The following SIN3A variants were observed in gnomAD, a reference collection of about 807,000 sequenced individuals.
The protein encoded by SIN3A is paired amphipathic helix protein Sin3a.
A neutral mutation model predicts 146.1 loss-of-function variants in SIN3A; 14 were observed. The observed-to-expected ratio is 0.10, with a 90% CI of 0.06 to 0.15. The LOEUF (loss-of-function observed/expected upper bound fraction) is 0.15. SIN3A is among the 10% of genes least tolerant of loss of function. The pLI is 1.00. For synonymous variants in SIN3A, 572 were observed against 572.0 expected, an observed-to-expected ratio of 1.00 and a Z score of 0.00; for missense variants, 1,028 against 1,576.0, an observed-to-expected ratio of 0.65 and a Z score of 5.89.
intron 15 of SIN3A, among the ~76,000 whole-genome samples, chr15:75,390,113 T>C (rs562911379): frequency 3.3e-5 from 5 of 152,170 alleles, no homozygotes; most frequent in African/African-American, 1.2e-4. Context: ...GAGAGGAAAA[T>C]ATCCTAGGGA....
chr15:75,396,320 T>G lies in SIN3A; in HGVS notation c.2031A>C (p.Ala677=). The G allele has an allele frequency of 6.2e-7, 1 of 1,614,234 alleles. No individual in the cohort carries two copies. The change falls in exon 13 of 21, where the codon GCA becomes GCC. Residue 677 remains alanine (A), a synonymous_variant. Transcript: ENST00000394947. ...KALQRIYADK[A]ADIIDGLRKN... ...TTCTCAGACCATCAATGATGTCAGC[T>G]GCTTTATCAGCATATATCCTCTGGA...
intron 1 of SIN3A, chr15:75,446,143 T>C (rs775542163): frequency 6.6e-6 from 1 of 151,978 alleles, no homozygotes; most frequent in African/African-American, 2.4e-5. Context: ...AAGTATAATA[T>C]TTAGAATAGT....
chr15:75,370,938 G>A lies in SIN3A; in HGVS notation c.*1041C>T, dbSNP rs1211947206. 3 of 140,832 alleles carry A rather than the reference G, an allele frequency of 2.1e-5. No homozygotes were observed. Among genetic ancestry groups the A allele is most frequent in the Non-Finnish European group, 3.0e-5 (2 of 66,090 alleles). The allele number at this position is 140,832 out of a possible 1,614,324, so 8.7% of individuals were successfully genotyped here. ...CGTGGGTTGAGAGTTTATTCCTTAA[G>A]TAAGAACCAAGCTTTATTTATTTAC... On this transcript the variant is annotated 3_prime_UTR_variant, in exon 21 of 21. Transcript: ENST00000394947.
intron 5 of SIN3A, 146 bp downstream of exon 5, chr15:75,412,617 G>T: frequency 1.3e-6 from 1 of 767,840 alleles, no homozygotes; most frequent in Non-Finnish European, 2.0e-6. Flanking sequence ...CCATGTCATA[G>T]TGAAGTTTTC....
chr15:75,406,681 G>A (rs1245189264), intron 9 of SIN3A, among the ~76,000 whole-genome samples: 1 of 151,668 alleles, frequency 6.6e-6, no homozygotes, highest in East Asian at 1.9e-4. Context: ...GCGAGACTCC[G>A]TCTCAAAAAA....
At chr15:75,455,396 C>T (rs892154442), upstream of SIN3A, among the ~76,000 whole-genome samples, 2 of 152,142 alleles carry the variant, frequency 1.3e-5, no homozygotes, top group Non-Finnish European at 1.5e-5. Flanking sequence ...CAGTATTTTT[C>T]TTTTTAAAAA....
intron 9 of SIN3A, among the ~76,000 whole-genome samples, 185 bp downstream of exon 9, chr15:75,406,870 C>T (rs949873238): frequency 4.6e-5 from 7 of 152,176 alleles, no homozygotes; most frequent in Non-Finnish European, 1.0e-4. Flanking sequence ...GCAAACAATG[C>T]TACCATTTTT....
chr15:75,412,862 C>T lies in SIN3A; in HGVS notation c.657G>A (p.Gln219=). The T allele has an allele frequency of 6.2e-7, 1 of 1,613,424 alleles. No individual in the cohort carries two copies. The highest frequency in any genetic ancestry group is 1.1e-5 in the South Asian group (1 of 90,964). The change falls in exon 5 of 21, where the codon CAG becomes CAA. Residue 219 remains glutamine, a synonymous_variant. Coordinates refer to ENST00000394947, the MANE Select transcript of SIN3A (RefSeq NM_001145358.2). ...HQIPTHGIQP[Q]PQPPPQHPSQ... ...AAGGATGTTGGGGTGGTGGTTGAGGCTGTGGCTGGATGCCATGGGTGGGAA... is the reference window on the plus strand; with the variant it reads ...AAGGATGTTGGGGTGGTGGTTGAGGTTGTGGCTGGATGCCATGGGTGGGAA...
In SIN3A at chr15:75,393,370, T is replaced by C. The variant is rs1462656025; in HGVS notation, c.2278-555A>G. Among the ~76,000 whole-genome samples the C allele has an allele frequency of 5.3e-5, 8 of 152,186 alleles. No homozygotes were observed. In the South Asian group the frequency reaches 1.0e-3, roughly 20 times the overall value. ...GACTTACAGGGAGAGTAGGACAGAA[T>C]TGGAACCATCTTTCTTTCTTTTTTT... is the stretch of plus-strand genomic sequence containing the variant. On this transcript the variant is annotated intron_variant, in intron 14 of 20. Coordinates refer to ENST00000394947, the MANE Select transcript of SIN3A (RefSeq NM_001145358.2).
intron 1 of SIN3A, chr15:75,446,322 C>G (rs1390500455): frequency 2.0e-5 from 3 of 147,350 alleles, no homozygotes; most frequent in African/African-American, 7.5e-5. Context: ...GGACAGCAAC[C>G]GCAAAGACCC....
At chr15:75,398,942 T>C (rs1198105636) in intron 12 of SIN3A, among the ~76,000 whole-genome samples, 1 of 151,210 alleles carries the variant, frequency 6.6e-6, no homozygotes, top group Non-Finnish European at 1.5e-5. Context: ...ACCTAGATGA[T>C]GAGTTGATAG....
At chr15:75,385,250 G>GA (rs2141399580) in intron 16 of SIN3A, among the ~76,000 whole-genome samples, 1 of 152,316 alleles carries the variant, frequency 6.6e-6, no homozygotes, top group Admixed American at 6.5e-5. Context: ...AAGTATTTAA[G>GA]AAATAGCTGC....
intron 16 of SIN3A, among the ~76,000 whole-genome samples, chr15:75,386,125 G>A (rs1439451743): frequency 6.6e-6 from 1 of 152,134 alleles, no homozygotes; most frequent in East Asian, 1.9e-4. Context: ...CTGGGCTCAA[G>A]CAACCCTCCC....
chr15:75,378,584 A>G (rs2141376663), intron 19 of SIN3A, among the ~76,000 whole-genome samples: 1 of 152,250 alleles, frequency 6.6e-6, no homozygotes, highest in South Asian at 2.1e-4. Context: ...AAACAAAAAC[A>G]AAAACTATCA....
chr15:75,381,635 G>A lies in SIN3A; in HGVS notation c.3266C>T (p.Ser1089Leu), dbSNP rs929890594. The change falls in exon 18 of 21, where the codon TCG becomes TTG. Residue 1089 changes from serine to leucine, a missense_variant. Physicochemically the swap from Ser to Leu is moderately radical, Grantham distance 145 (BLOSUM62 -2). Transcript: ENST00000394947. ...TACCTCTGCTTCCACAGGGTCATCC[G>A]AATTCTCCTCTTCTGTGTCCAGAAG... is the stretch of plus-strand genomic sequence containing the variant. ...IELLDTEEENSDDPVEAERWS... is the reference protein window; with the variant it reads ...IELLDTEEENLDDPVEAERWS... 6 of 1,613,776 alleles carry A rather than the reference G, an allele frequency of 3.7e-6. No individual in the cohort carries two copies. Among genetic ancestry groups the A allele is most frequent in the African/African-American group, 1.3e-5 (1 of 75,016 alleles).
chr15:75,418,501 T>C (rs1296453572), intron 3 of SIN3A, among the ~76,000 whole-genome samples: 1 of 151,384 alleles, frequency 6.6e-6, no homozygotes, highest in South Asian at 2.1e-4. Context: ...CATTTTTTTG[T>C]ATCTTCGGTA....
chr15:75,375,961 T>G (rs2072847835), intron 19 of SIN3A, 89 bp from the exon 20 acceptor site: 1 of 1,263,194 alleles, frequency 7.9e-7, no homozygotes, highest in Non-Finnish European at 1.1e-6. Context: ...ATTATATGCT[T>G]GCATAGTACT....
In SIN3A at chr15:75,389,629, C is replaced by T. The variant is rs200402964; in HGVS notation, c.3021+23G>A. On this transcript the variant is annotated intron_variant, in intron 16 of 20. Coordinates refer to ENST00000394947, the MANE Select transcript of SIN3A (RefSeq NM_001145358.2). ...GGTAAGGATTTCTTCCCTTACTCAC[C>T]CTAGCCTCCTCCATGCCCTCACCTG... 2.2e-4 allele frequency: 362 copies of T among 1,613,012 alleles called. 1 individual carries two copies. Among genetic ancestry groups the T allele is most frequent in the Admixed American group, 2.7e-4 (16 of 59,948 alleles).
intron 1 of SIN3A, chr15:75,446,125 A>T (rs1286264967): frequency 1.3e-5 from 2 of 152,184 alleles, no homozygotes; most frequent in Admixed American, 6.6e-5. Flanking sequence ...AAGATGACAC[A>T]ATAGACAAAG....
Sources: gnomAD v4.1 joint callset for allele counts (sites outside exome capture counted in the v4.1 genomes callset) on GRCh38, gnomAD v4.1.1 for gene constraint, MANE v1.5 for transcripts, NCBI Gene and HGNC (gene_info 2026-07-23, HGNC 2026-07-21) for gene names.